EDARADD: variants seen among roughly 807,000 people sequenced by gnomAD.
EDARADD encodes the protein ectodysplasin-A receptor-associated adapter protein.
Under a neutral mutation model 25.6 loss-of-function variants are expected in EDARADD, and 20 were observed. The ratio of observed to expected loss-of-function variants is 0.78; its 90% CI spans 0.55 to 1.14. The LOEUF (loss-of-function observed/expected upper bound fraction) is 1.14, where lower values mean the gene tolerates loss of function less well. EDARADD is among the 50% of genes most tolerant of loss of function. EDARADD has a pLI of 0.00. For missense variants in EDARADD, 225 were observed against 270.1 expected (o/e 0.83, Z 1.17); for synonymous variants, 86 against 94.4 (o/e 0.91, Z 0.52).
At chr1:236,449,090 G>A (rs992565867) in intron 4 of EDARADD, among the ~76,000 whole-genome samples, 1 of 152,150 alleles carries the variant, frequency 6.6e-6, no homozygotes, top group African/African-American at 2.4e-5. Flanking sequence ...GCTTCTGGTG[G>A]TTTGCTGGCA....
intron 3 of EDARADD, among the ~76,000 whole-genome samples, chr1:236,355,750 T>C (rs1435537220): frequency 6.6e-6 from 1 of 151,902 alleles, no homozygotes; most frequent in Non-Finnish European, 1.5e-5. Context: ...CCTCAGGTGA[T>C]CCACCCACCT....
intron 3 of EDARADD, among the ~76,000 whole-genome samples, chr1:236,378,344 AGT>A (rs996877665): frequency 6.6e-6 from 1 of 152,182 alleles, no homozygotes; most frequent in African/African-American, 2.4e-5. Context: ...TGAATACAAA[AGT>A]GTGGTGAGGG....
chr1:236,392,192 C>T (rs760268828), upstream of EDARADD, among the ~76,000 whole-genome samples: 3 of 152,116 alleles, frequency 2.0e-5, no homozygotes, highest in Non-Finnish European at 4.4e-5. Context: ...TGTACAAACA[C>T]TGTAATAAAT....
In EDARADD at chr1:236,398,704, C is replaced by T. The variant is rs995886147; in HGVS notation, c.61+4199C>T. On this transcript the variant is annotated intron_variant, in intron 1 of 5. Transcript: ENST00000334232. The surrounding 1 kb of genome is among the most constrained non-coding windows in gnomAD (Gnocchi z 4.1). ...ATTCCAGCCCTCACCCCATCCTCCA[C>T]CCACCCGTTTCCTTCTACTTAACCT... Among the ~76,000 whole-genome samples, 24 of 152,246 alleles carry T rather than the reference C, an allele frequency of 1.6e-4. No homozygotes were observed. The highest frequency in any genetic ancestry group is 5.8e-4 in the African/African-American group (24 of 41,478).
At chr1:236,437,170 G>A (rs1243476555) in intron 4 of EDARADD, among the ~76,000 whole-genome samples, 1 of 152,144 alleles carries the variant, frequency 6.6e-6, no homozygotes, top group Non-Finnish European at 1.5e-5. Context: ...CCCCCTCTTA[G>A]AGAAGCTCAG....
chr1:236,391,912 T>C (rs1406045829), upstream of EDARADD, among the ~76,000 whole-genome samples: 2 of 152,176 alleles, frequency 1.3e-5, no homozygotes, highest in Non-Finnish European at 2.9e-5. Flanking sequence ...TCCCTGTCAA[T>C]CCGAGATGGT....
intron 3 of EDARADD, among the ~76,000 whole-genome samples, chr1:236,366,010 A>T (rs1389663462): frequency 6.6e-6 from 1 of 152,230 alleles, no homozygotes; most frequent in Non-Finnish European, 1.5e-5. Context: ...CTTCTTGAAC[A>T]CATGAAATGC....
intron 3 of EDARADD, among the ~76,000 whole-genome samples, chr1:236,378,358 G>A (rs1667250513): frequency 6.6e-6 from 1 of 152,142 alleles, no homozygotes; most frequent in African/African-American, 2.4e-5. Flanking sequence ...TGGTGAGGGA[G>A]CCTGAAGTTT....
intron 4 of EDARADD, among the ~76,000 whole-genome samples, chr1:236,432,520 A>C (rs571430424): frequency 6.6e-6 from 1 of 152,360 alleles, no homozygotes; most frequent in East Asian, 1.9e-4. Flanking sequence ...GAAGTTATGA[A>C]AATAATGACA....
chr1:236,483,835 T>C lies in EDARADD; in HGVS notation c.*1186T>C. On this transcript the variant is annotated 3_prime_UTR_variant, in exon 6 of 6. Transcript: ENST00000334232. ...AACATCCTGGAGAATAAAGAAGGCC[T>C]GGAGCTGCTGAAGACTGCGATTGGG... 2 of 1,428,308 alleles carry C rather than the reference T, an allele frequency of 1.4e-6. No homozygotes were observed. The highest frequency in any genetic ancestry group is 1.1e-5 in the South Asian group (1 of 87,182). 88.5% of individuals were successfully genotyped at this position (1,428,308 alleles called of 1,614,324 possible). A position where few individuals can be genotyped will look rare whatever the true frequency, so the allele number is the denominator to read the frequency against.
chr1:236,482,487 C>T lies in EDARADD; in HGVS notation c.486C>T (p.Ser162=), dbSNP rs373326410. ...GCTTCCTGGAGCAGAGGCCACAGAGCCCCACCTTGGAGTTCTTGCTCCGGA... is the reference window on the plus strand; with the variant it reads ...GCTTCCTGGAGCAGAGGCCACAGAGTCCCACCTTGGAGTTCTTGCTCCGGA... ...ELCFLEQRPQ[S]PTLEFLLRNS... Residue 162 remains serine (S), a synonymous_variant, in exon 6 of 6, where the codon AGC becomes AGT. Coordinates refer to ENST00000334232, the MANE Select transcript of EDARADD (RefSeq NM_145861.4). The T allele has an allele frequency of 1.2e-6, 2 of 1,613,458 alleles. No homozygotes were observed. The highest frequency in any genetic ancestry group is 1.3e-5 in the African/African-American group (1 of 74,898).
intron 4 of EDARADD, among the ~76,000 whole-genome samples, chr1:236,448,285 C>A (rs1658619255): frequency 6.6e-6 from 1 of 152,224 alleles, no homozygotes; most frequent in South Asian, 2.1e-4. Flanking sequence ...CTGGCTTAGA[C>A]CACGCATCCA....
At chr1:236,399,486 C>G (rs1171376244) in intron 1 of EDARADD, among the ~76,000 whole-genome samples, 1 of 152,174 alleles carries the variant, frequency 6.6e-6, no homozygotes, top group Non-Finnish European at 1.5e-5. Flanking sequence ...CACGCCCTGG[C>G]CACACCCTGG....
At chr1:236,378,880 A>G (rs12130238) in intron 3 of EDARADD, among the ~76,000 whole-genome samples, 14,408 of 152,090 alleles carry the variant, frequency 0.095, 1,032 homozygotes, top group East Asian at 0.3. Context: ...CAAAATTTAG[A>G]TCCATAATCC....
At chr1:236,424,007 A>G (rs867880462) in intron 3 of EDARADD, among the ~76,000 whole-genome samples, 2 of 151,822 alleles carry the variant, frequency 1.3e-5, no homozygotes, top group African/African-American at 4.8e-5. Context: ...TTGGGAGTCT[A>G]GGGTAGGAGA....
At chr1:236,355,883 G>T (rs1354794753) in intron 3 of EDARADD, among the ~76,000 whole-genome samples, 1 of 151,924 alleles carries the variant, frequency 6.6e-6, no homozygotes, top group Admixed American at 6.6e-5. Context: ...CGGTTCTAAG[G>T]CTCCTGTCAG....
chr1:236,395,506 G>C lies in EDARADD; in HGVS notation c.61+1001G>C. On this transcript the variant is annotated intron_variant, in intron 1 of 5. Transcript: ENST00000334232. This position sits in a 1 kb window ranked among gnomAD's most constrained non-coding sequence, Gnocchi z 6.9. The stretch of plus-strand genomic sequence containing the variant: ...GCGGAGGAGGGCAGGGGCGCGCAGA[G>C]CCACGGTTTGCTCCAGGCGCGTCGG... The C allele has an allele frequency of 6.5e-7, 1 of 1,529,112 alleles. No individual in the cohort carries two copies. The highest frequency in any genetic ancestry group is 2.0e-5 in the Admixed American group (1 of 50,454). The allele number at this position is 1,529,112 out of a possible 1,614,324, so 94.7% of individuals were successfully genotyped here. A position where few individuals can be genotyped will look rare whatever the true frequency, so the allele number is the denominator to read the frequency against.
intron 3 of EDARADD, among the ~76,000 whole-genome samples, chr1:236,426,411 G>C (rs895803626): frequency 2.6e-5 from 4 of 152,186 alleles, no homozygotes; most frequent in African/African-American, 4.8e-5. Flanking sequence ...ACAGCCCAGG[G>C]GAGGAGGACA....
upstream of EDARADD, among the ~76,000 whole-genome samples, chr1:236,392,434 G>A (rs552200270): frequency 7.4e-4 from 112 of 151,684 alleles, no homozygotes; most frequent in Admixed American, 2.6e-3. Context: ...AGTGACCCTC[G>A]TGCTTCACCC....
Sources: allele counts gnomAD v4.1 joint callset (sites outside exome capture counted in the v4.1 genomes callset), GRCh38; gene constraint gnomAD v4.1.1; non-coding constraint Gnocchi (gnomAD v3.1); transcripts MANE v1.5; gene names NCBI Gene and HGNC (gene_info 2026-07-23, HGNC 2026-07-21).